ZNF607: variants seen among roughly 807,000 people sequenced by gnomAD.
ZNF607 encodes zinc finger protein 607.
In ZNF607, 5 loss-of-function variants were observed where a neutral mutation model predicts 12.8. That is an observed-to-expected ratio of 0.39 (90% CI 0.20 to 0.82). The LOEUF is 0.82. ZNF607 is among the 40% of genes least tolerant of loss of function. The pLI is 0.39. For synonymous variants in ZNF607, 287 were observed against 276.2 expected, an observed-to-expected ratio of 1.04 and a Z score of -0.39; for missense variants, 851 against 859.2, an observed-to-expected ratio of 0.99 and a Z score of 0.12.
chr19:37,714,869 T>G (rs1165466865), intron 1 of ZNF607, among the ~76,000 whole-genome samples: 1 of 151,864 alleles, frequency 6.6e-6, no homozygotes, highest in Non-Finnish European at 1.5e-5. Flanking sequence ...AATCCGTTAT[T>G]ATAAAAGGAA....
At chr19:37,709,608 G>A in intron 3 of ZNF607, 88 bp downstream of exon 3, 3 of 1,449,272 alleles carry the variant, frequency 2.1e-6, no homozygotes, top group Non-Finnish European at 2.8e-6. Flanking sequence ...TTAAAAGGCA[G>A]CCCTGAAAAC....
At chr19:37,702,335 C>A (rs984558766) in intron 4 of ZNF607, among the ~76,000 whole-genome samples, 2 of 148,188 alleles carry the variant, frequency 1.3e-5, no homozygotes, top group African/African-American at 5.0e-5. Context: ...GTGTAAACAG[C>A]TGTGGGAATA....
At chr19:37,708,157 AG>A (rs2045102408) in intron 3 of ZNF607, 145 bp from the exon 4 acceptor site, 1 of 596,496 alleles carries the variant, frequency 1.7e-6, no homozygotes, top group African/African-American at 1.9e-5. Flanking sequence ...AAGATCACCC[AG>A]GGAGAGTCAA....
chr19:37,713,179 T>G (rs1599668933), intron 1 of ZNF607, among the ~76,000 whole-genome samples: 2 of 151,916 alleles, frequency 1.3e-5, no homozygotes, highest in Non-Finnish European at 2.9e-5. Flanking sequence ...ATAGACTCAG[T>G]GTAATTTGTT....
intron 3 of ZNF607, 56 bp from the exon 4 acceptor site, chr19:37,708,068 TA>T: frequency 7.0e-7 from 1 of 1,423,962 alleles, no homozygotes; most frequent in Non-Finnish European, 9.8e-7. Context: ...AGGTAAAATT[TA>T]AAATTACAAT....
In ZNF607 at chr19:37,699,045, C is replaced by T; in HGVS notation, c.1086G>A (p.Glu362=). ...CACATTCCTCACACTTATAAGGTTT[C>T]TCAACACTTTCAAATGTATGAGGTG... is the stretch of plus-strand genomic sequence containing the variant. The part of the protein sequence containing the change: ...LTAPHTFESV[E]KPYKCEECGK... The change falls in exon 5 of 5, where the codon GAG becomes GAA. Residue 362 remains glutamate (E), a synonymous_variant. Transcript: ENST00000355202. 3 of 1,614,024 alleles carry T rather than the reference C, an allele frequency of 1.9e-6. No individual in the cohort carries two copies. In the South Asian group the frequency reaches 3.3e-5, roughly 18 times the overall value.
intron 1 of ZNF607, among the ~76,000 whole-genome samples, chr19:37,717,719 T>C (rs1226671233): frequency 7.2e-6 from 1 of 139,380 alleles, no homozygotes; most frequent in Non-Finnish European, 1.5e-5. Context: ...GGCAGGAGAA[T>C]CGCTTGAACC....
In ZNF607 at chr19:37,699,733, T is replaced by G; in HGVS notation, c.398A>C (p.Gln133Pro). 1 of 1,614,132 alleles carries G rather than the reference T, an allele frequency of 6.2e-7. No individual in the cohort carries two copies. The highest frequency in any genetic ancestry group is 1.7e-4 in the Middle Eastern group (1 of 6,060). ...AGGTTCCTCACTAGTATGAATTGTT[T>G]GATGTACCATGAGTTCTGTAAGATG... ...FSHLTELMVH[Q>P]TIHTSEEPDQ... The change falls in exon 5 of 5, where the codon CAA becomes CCA. Residue 133 changes from glutamine to proline, a missense_variant. Gln to Pro is a moderately conservative substitution (Grantham distance 76). Coordinates refer to ENST00000355202, the MANE Select transcript of ZNF607 (RefSeq NM_032689.5).
rs1005025346 is a variant in ZNF607 at position 37,697,683 on chromosome 19, G to A, written c.*357C>T. On this transcript the variant is annotated 3_prime_UTR_variant, in exon 5 of 5. Coordinates refer to ENST00000355202, the MANE Select transcript of ZNF607 (RefSeq NM_032689.5). Reference sequence around the variant, plus strand: ...TTTCCAGGTTTAACAATAAATGATTGTTGCTGGAAGATGTTTACATGCAAG... The same window carrying A: ...TTTCCAGGTTTAACAATAAATGATTATTGCTGGAAGATGTTTACATGCAAG... The A allele has an allele frequency of 1.3e-5, 4 of 304,662 alleles. No individual in the cohort carries two copies. The Admixed American group carries it at 1.4e-4, about 11-fold the overall frequency. The allele number at this position is 304,662 out of a possible 1,614,324, so 18.9% of individuals were successfully genotyped here.
At chr19:37,703,893 T>G (rs567362012) in intron 4 of ZNF607, among the ~76,000 whole-genome samples, 24 of 152,120 alleles carry the variant, frequency 1.6e-4, no homozygotes, top group Non-Finnish European at 3.1e-4. Flanking sequence ...TCCCAACACT[T>G]TGGGAGGCCG....
intron 1 of ZNF607, among the ~76,000 whole-genome samples, chr19:37,712,610 G>A (rs527722564): frequency 9.9e-5 from 15 of 152,162 alleles, no homozygotes; most frequent in Non-Finnish European, 1.9e-4. Flanking sequence ...TAAAGGAAAA[G>A]TAAATAAACC....
At chr19:37,715,507 G>A (rs1177662205) in intron 1 of ZNF607, among the ~76,000 whole-genome samples, 1 of 151,618 alleles carries the variant, frequency 6.6e-6, no homozygotes, top group African/African-American at 2.4e-5. Flanking sequence ...TCAGGAGGCT[G>A]AGGCATGAGA....
rs925792752 is a variant in ZNF607 at position 37,697,870 on chromosome 19, A to G, written c.*170T>C. On this transcript the variant is annotated 3_prime_UTR_variant, in exon 5 of 5. Coordinates refer to ENST00000355202, the MANE Select transcript of ZNF607 (RefSeq NM_032689.5). Reference sequence around the variant, plus strand: ...ACACAGGTCATACCAAAGAAACTGCATATATGATTTACATTTTGAAAAGTT... The same window carrying G: ...ACACAGGTCATACCAAAGAAACTGCGTATATGATTTACATTTTGAAAAGTT... 3.4e-6 allele frequency: 2 copies of G among 583,452 alleles called. No homozygotes were observed. Among genetic ancestry groups the G allele is most frequent in the African/African-American group, 3.7e-5 (2 of 53,684 alleles). 36.1% of individuals were successfully genotyped at this position (583,452 alleles called of 1,614,324 possible).
chr19:37,714,800 A>C (rs1478354138), intron 1 of ZNF607, among the ~76,000 whole-genome samples: 1 of 152,224 alleles, frequency 6.6e-6, no homozygotes, highest in Non-Finnish European at 1.5e-5. Flanking sequence ...AAAAAGTAAA[A>C]TATGATAGCT....
rs1227153674 is a variant in ZNF607 at position 37,708,026 on chromosome 19, G to C, written c.137-14C>G. The stretch of plus-strand genomic sequence containing the variant: ...CGGAATGTCCTGCTTACAAAGAAAA[G>C]AAGTGCCACAAAATACGGAAATCAA... On this transcript the variant is annotated splice_polypyrimidine_tract_variant and intron_variant, in intron 3 of 4. Coordinates refer to ENST00000355202, the MANE Select transcript of ZNF607 (RefSeq NM_032689.5). 1 of 1,588,756 alleles carries C rather than the reference G, an allele frequency of 6.3e-7. No homozygotes were observed. Among genetic ancestry groups the C allele is most frequent in the Admixed American group, 1.9e-5 (1 of 54,020 alleles).
At chr19:37,714,371 C>T (rs1316391867) in intron 1 of ZNF607, among the ~76,000 whole-genome samples, 3 of 149,146 alleles carry the variant, frequency 2.0e-5, no homozygotes, top group African/African-American at 7.4e-5. Flanking sequence ...GCAGCAACAA[C>T]AAACATACTC....
rs1399604443 is a variant in ZNF607 at position 37,697,339 on chromosome 19, T to A, written c.*701A>T. 1 of 1,429,902 alleles carries A rather than the reference T, an allele frequency of 7.0e-7. No individual in the cohort carries two copies. Among genetic ancestry groups the A allele is most frequent in the Non-Finnish European group, 9.8e-7 (1 of 1,025,006 alleles). 88.6% of individuals were successfully genotyped at this position (1,429,902 alleles called of 1,614,324 possible). On this transcript the variant is annotated 3_prime_UTR_variant, in exon 5 of 5. Transcript: ENST00000355202. ...ACATTACATAAGGCAGAGTTCACCA[T>A]GCCTCCTGCAACAGCTAAGGCCAGG...
At chr19:37,710,149 C>T (rs541987138) in intron 2 of ZNF607, among the ~76,000 whole-genome samples, 10 of 148,604 alleles carry the variant, frequency 6.7e-5, no homozygotes, top group African/African-American at 1.5e-4. Context: ...AGCGAGACTC[C>T]GTCTCAAAAA....
intron 4 of ZNF607, among the ~76,000 whole-genome samples, chr19:37,701,673 A>AG (rs1361905216): frequency 1.3e-5 from 2 of 152,264 alleles, no homozygotes; most frequent in African/African-American, 2.4e-5. Flanking sequence ...TTTAAAAAAA[A>AG]GAAAATTTTA....
Sources: gnomAD v4.1 joint callset for allele counts (sites outside exome capture counted in the v4.1 genomes callset) on GRCh38, gnomAD v4.1.1 for gene constraint, MANE v1.5 for transcripts, NCBI Gene and HGNC (gene_info 2026-07-23, HGNC 2026-07-21) for gene names.